The following NRG1 variants were observed in gnomAD, a reference collection of about 807,000 sequenced individuals.
NRG1 encodes neuregulin 1, also known as pro-neuregulin-1, membrane-bound isoform.
A neutral mutation model predicts 63.8 loss-of-function variants in NRG1; 18 were observed. The observed-to-expected ratio is 0.28, with a 90% CI of 0.19 to 0.42. The LOEUF is 0.42. Ranked by LOEUF, NRG1 falls within the 10% of genes least tolerant of loss-of-function variation. The pLI is 1.00. For synonymous variants in NRG1, 302 were observed against 301.3 expected, an observed-to-expected ratio of 1.00 and a Z score of -0.02; for missense variants, 762 against 814.7, an observed-to-expected ratio of 0.94 and a Z score of 0.79.
At chr8:32,209,343 C>T (rs1426431823) in intron 1 of NRG1, among the ~76,000 whole-genome samples, 1 of 151,978 alleles carries the variant, frequency 6.6e-6, no homozygotes. Flanking sequence ...AATGAAAGGA[C>T]AAGGAAAACC....
At chr8:32,470,557 T>C (rs917184688) in intron 1 of NRG1, among the ~76,000 whole-genome samples, 4 of 152,086 alleles carry the variant, frequency 2.6e-5, no homozygotes, top group Admixed American at 2.0e-4. Context: ...GTTTCAACCT[T>C]TTTATTCTTA....
At chr8:32,459,877 G>A (rs1427013011) in intron 1 of NRG1, among the ~76,000 whole-genome samples, 1 of 152,150 alleles carries the variant, frequency 6.6e-6, no homozygotes, top group Admixed American at 6.6e-5. Flanking sequence ...GCAAAAGATT[G>A]GTATCTTGTT....
chr8:32,082,984 A>G (rs1827694529), intron 1 of NRG1, among the ~76,000 whole-genome samples: 1 of 152,212 alleles, frequency 6.6e-6, no homozygotes, highest in South Asian at 2.1e-4. Flanking sequence ...GCAAATGAAT[A>G]AATAAATAAA....
chr8:32,587,528 T>C (rs1259580780), intron 1 of NRG1, among the ~76,000 whole-genome samples: 2 of 152,180 alleles, frequency 1.3e-5, no homozygotes, highest in African/African-American at 4.8e-5. Flanking sequence ...CCCAGTGGCA[T>C]GCAGAACACA....
chr8:31,682,689 C>T (rs894893448), intron 1 of NRG1, among the ~76,000 whole-genome samples: 11 of 151,926 alleles, frequency 7.2e-5, no homozygotes, highest in African/African-American at 2.7e-4. Context: ...AGATAAAATA[C>T]TGTCCAGCTA....
At chr8:32,193,306 G>GTA (rs946436934) in intron 1 of NRG1, among the ~76,000 whole-genome samples, 3 of 148,422 alleles carry the variant, frequency 2.0e-5, no homozygotes, top group African/African-American at 4.9e-5. Flanking sequence ...TTCTACCTTT[G>GTA]TGTGTGTGTG....
intron 1 of NRG1, among the ~76,000 whole-genome samples, chr8:31,684,433 ACATTAATT>A (rs1459309042): frequency 6.6e-6 from 1 of 152,174 alleles, no homozygotes; most frequent in Admixed American, 6.5e-5. Context: ...CACTCGTCAG[ACATTAATT>A]CTGCTGGGAC....
chr8:32,373,743 A>ACTCC (rs1412851981), intron 1 of NRG1, among the ~76,000 whole-genome samples: 1 of 152,144 alleles, frequency 6.6e-6, no homozygotes, highest in Non-Finnish European at 1.5e-5. Context: ...GCACCACTGC[A>ACTCC]CTCCAGCCTG....
At chr8:31,738,013 A>G (rs919039167) in intron 1 of NRG1, among the ~76,000 whole-genome samples, 1 of 152,126 alleles carries the variant, frequency 6.6e-6, no homozygotes, top group South Asian at 2.1e-4. Flanking sequence ...CTAATGCTTT[A>G]GGAAACAGAG....
chr8:32,577,415 A>G (rs767041059), intron 1 of NRG1, among the ~76,000 whole-genome samples: 1 of 152,210 alleles, frequency 6.6e-6, no homozygotes, highest in Non-Finnish European at 1.5e-5. Context: ...AACACCACTG[A>G]CAGGTCCCTG....
chr8:32,158,900 T>A (rs1838481799), intron 1 of NRG1, among the ~76,000 whole-genome samples: 1 of 152,022 alleles, frequency 6.6e-6, no homozygotes. Context: ...CGATGTAAAA[T>A]CCGTGCATCT....
At chr8:32,155,206 G>A (rs1008208401) in intron 1 of NRG1, among the ~76,000 whole-genome samples, 22 of 152,080 alleles carry the variant, frequency 1.4e-4, no homozygotes, top group Admixed American at 6.5e-5. Flanking sequence ...AGACACCTGG[G>A]TTCTAGTCAC....
At chr8:32,666,688 G>T (rs1283635625) in intron 5 of NRG1, among the ~76,000 whole-genome samples, 1 of 152,138 alleles carries the variant, frequency 6.6e-6, no homozygotes, top group African/African-American at 2.4e-5. Context: ...GTACAGTTTG[G>T]TAGTGTCAGA....
At chr8:31,975,201 C>T (rs1014361395) in intron 1 of NRG1, among the ~76,000 whole-genome samples, 1 of 152,132 alleles carries the variant, frequency 6.6e-6, no homozygotes, top group Non-Finnish European at 1.5e-5. Context: ...AATATCATCC[C>T]CACTTCAGAA....
At chr8:31,893,415 A>G (rs564192026) in intron 1 of NRG1, among the ~76,000 whole-genome samples, 1 of 151,552 alleles carries the variant, frequency 6.6e-6, no homozygotes, top group Non-Finnish European at 1.5e-5. Context: ...AAGCATTCAA[A>G]TAAAGAGAAA....
chr8:31,980,443 C>A (rs555259416), intron 1 of NRG1, among the ~76,000 whole-genome samples: 6 of 152,082 alleles, frequency 3.9e-5, no homozygotes, highest in African/African-American at 1.4e-4. Flanking sequence ...ATATTGTTCC[C>A]TTTATGAATA....
chr8:32,588,401 G>C (rs1416427103), intron 1 of NRG1, among the ~76,000 whole-genome samples: 1 of 152,122 alleles, frequency 6.6e-6, no homozygotes, highest in African/African-American at 2.4e-5. Context: ...GCAGTTAATT[G>C]TGAGAAGTGA....
intron 1 of NRG1, among the ~76,000 whole-genome samples, chr8:32,349,396 G>A (rs12549972): frequency 0.52 from 78,667 of 152,002 alleles, 21,275 homozygotes; most frequent in Non-Finnish European, 0.61. Flanking sequence ...AATTCCAAAT[G>A]TTGTTTGGAC....
chr8:32,441,384 T>C (rs1324939858), intron 1 of NRG1: 1 of 152,110 alleles, frequency 6.6e-6, no homozygotes, highest in African/African-American at 2.4e-5. Flanking sequence ...GTGCTAGCCT[T>C]CCTGTCACTC....
Sources: gnomAD v4.1 joint callset for allele counts (sites outside exome capture counted in the v4.1 genomes callset) on GRCh38, gnomAD v4.1.1 for gene constraint, MANE v1.5 for transcripts, NCBI Gene and HGNC (gene_info 2026-07-23, HGNC 2026-07-21) for gene names.